CDH13: variants seen among roughly 807,000 people sequenced by gnomAD.
The protein encoded by CDH13 is cadherin 13.
CDH13 carries 24 observed loss-of-function variants against 63.8 expected under a neutral mutation model. That is an observed-to-expected ratio of 0.38 (90% CI 0.27 to 0.53). The LOEUF is 0.53. CDH13 is among the 20% of genes least tolerant of loss of function. The pLI is 0.85. For synonymous variants in CDH13, 503 were observed against 355.3 expected, an observed-to-expected ratio of 1.42 and a Z score of -4.67; for missense variants, 1,049 against 903.1, an observed-to-expected ratio of 1.16 and a Z score of -2.07.
At chr16:83,327,949 A>G (rs1161392388) in intron 5 of CDH13, among the ~76,000 whole-genome samples, 1 of 152,060 alleles carries the variant, frequency 6.6e-6, no homozygotes, top group East Asian at 1.9e-4. Flanking sequence ...TGGCTAATAC[A>G]GTGAAACCCC....
intron 3 of CDH13, among the ~76,000 whole-genome samples, chr16:83,037,942 A>G (rs903117676): frequency 6.6e-6 from 1 of 152,094 alleles, no homozygotes; most frequent in Admixed American, 6.6e-5. Flanking sequence ...TAATTTTGGA[A>G]CCTCAGGAGG....
intron 2 of CDH13, among the ~76,000 whole-genome samples, chr16:82,977,304 A>G (rs1175532012): frequency 3.9e-5 from 6 of 152,152 alleles, no homozygotes; most frequent in Non-Finnish European, 8.8e-5. Flanking sequence ...AGTGAGGGCC[A>G]GGGTATTAAC....
chr16:83,672,458 C>G (rs1217767771), intron 9 of CDH13, among the ~76,000 whole-genome samples: 1 of 101,966 alleles, frequency 9.8e-6, no homozygotes, highest in African/African-American at 3.8e-5. Context: ...CAGAGTCTTG[C>G]TCTCTCACCA....
Position 83,443,199 on chromosome 16 carries a change from C to T in CDH13, c.782-43278C>T, listed in dbSNP as rs149185898. 4.1e-3 allele frequency among the ~76,000 whole-genome samples: 617 copies of T among 152,322 alleles called. 2 individuals carry two copies. The highest frequency in any genetic ancestry group is 7.0e-3 in the South Asian group (34 of 4,832). ...AGAATGTGATAGGGTGGGTGACTTA[C>T]TCCCACAGTGATGCTTAGAATGGTG... On this transcript the variant is annotated intron_variant, in intron 6 of 13. Coordinates refer to ENST00000567109, the MANE Select transcript of CDH13 (RefSeq NM_001257.5).
At chr16:82,887,107 C>G (rs143686926) in intron 2 of CDH13, among the ~76,000 whole-genome samples, 32 of 152,308 alleles carry the variant, frequency 2.1e-4, no homozygotes, top group African/African-American at 6.7e-4. Flanking sequence ...AAAGATTTCT[C>G]TTTAATATAG....
chr16:82,651,159 C>G (rs1910677313), intron 1 of CDH13, among the ~76,000 whole-genome samples: 1 of 152,194 alleles, frequency 6.6e-6, no homozygotes, highest in Non-Finnish European at 1.5e-5. Context: ...GAACAACCAT[C>G]ATTATCTGTG....
At chr16:82,951,514 T>G in intron 2 of CDH13, among the ~76,000 whole-genome samples, 1 of 152,168 alleles carries the variant, frequency 6.6e-6, no homozygotes, top group Non-Finnish European at 1.5e-5. Flanking sequence ...TGGCTTCATC[T>G]AAAAGAACCA....
intron 2 of CDH13, among the ~76,000 whole-genome samples, chr16:82,903,410 G>A (rs147049711): frequency 2.6e-4 from 39 of 152,310 alleles, no homozygotes; most frequent in African/African-American, 8.4e-4. Context: ...CCTACCCGCA[G>A]TGGACTTGCT....
intron 6 of CDH13, among the ~76,000 whole-genome samples, chr16:83,421,622 A>G (rs2071716218): frequency 6.6e-6 from 1 of 152,074 alleles, no homozygotes; most frequent in South Asian, 2.1e-4. Flanking sequence ...AGAAGTTCCT[A>G]TAGACTTCTT....
chr16:83,096,242 T>A (rs906022815), intron 3 of CDH13, among the ~76,000 whole-genome samples: 17 of 152,300 alleles, frequency 1.1e-4, no homozygotes, highest in African/African-American at 4.1e-4. Context: ...TCTCAGGAGT[T>A]CAGCAACCGA....
chr16:83,333,249 C>A (rs1044874441), intron 5 of CDH13, among the ~76,000 whole-genome samples: 3 of 151,278 alleles, frequency 2.0e-5, no homozygotes, highest in Non-Finnish European at 4.4e-5. Flanking sequence ...AAGTTGTTGG[C>A]GTCAGAGAGA....
chr16:82,982,466 G>A (rs914581563), intron 2 of CDH13, among the ~76,000 whole-genome samples: 18 of 152,130 alleles, frequency 1.2e-4, no homozygotes, highest in African/African-American at 3.1e-4. Flanking sequence ...GAGCCATAGC[G>A]GAGAATCTGC....
chr16:83,308,729 T>A (rs1355311972), intron 5 of CDH13, among the ~76,000 whole-genome samples: 1 of 152,106 alleles, frequency 6.6e-6, no homozygotes, highest in Non-Finnish European at 1.5e-5. Flanking sequence ...CTCACCGCCG[T>A]CTCCATATGT....
intron 8 of CDH13, among the ~76,000 whole-genome samples, chr16:83,651,658 C>T (rs1405785081): frequency 7.6e-6 from 1 of 131,842 alleles, no homozygotes. Context: ...TGCAGTAGCA[C>T]AATCTTGGCT....
At chr16:83,699,364 G>A (rs1324490908) in intron 10 of CDH13, among the ~76,000 whole-genome samples, 1 of 152,202 alleles carries the variant, frequency 6.6e-6, no homozygotes, top group Non-Finnish European at 1.5e-5. Context: ...GCTGGGATCT[G>A]CCTGCCTTTG....
At chr16:83,406,745 T>A (rs1021537632) in intron 6 of CDH13, among the ~76,000 whole-genome samples, 1 of 152,096 alleles carries the variant, frequency 6.6e-6, no homozygotes, top group Non-Finnish European at 1.5e-5. Context: ...GGATTACAGG[T>A]GTGAGCTACC....
intron 3 of CDH13, among the ~76,000 whole-genome samples, chr16:83,087,268 C>A (rs987768585): frequency 3.9e-5 from 6 of 151,954 alleles, no homozygotes; most frequent in African/African-American, 1.5e-4. Flanking sequence ...ATTGGATGAA[C>A]AATGTTGGAA....
intron 4 of CDH13, among the ~76,000 whole-genome samples, chr16:83,156,505 G>A (rs1161726425): frequency 6.6e-6 from 1 of 152,158 alleles, no homozygotes; most frequent in Non-Finnish European, 1.5e-5. Context: ...GATTGCCTGT[G>A]TGTCCAAGCT....
chr16:83,223,917 A>G (rs1411299737), intron 5 of CDH13, among the ~76,000 whole-genome samples: 1 of 151,954 alleles, frequency 6.6e-6, no homozygotes, highest in Non-Finnish European at 1.5e-5. Flanking sequence ...GGTTTGTAAG[A>G]TTTTGCTGCA....
Sources: gnomAD v4.1 joint callset for allele counts (sites outside exome capture counted in the v4.1 genomes callset) on GRCh38, gnomAD v4.1.1 for gene constraint, MANE v1.5 for transcripts, NCBI Gene and HGNC (gene_info 2026-07-23, HGNC 2026-07-21) for gene names.